SCMH1: variants seen among roughly 807,000 people sequenced by gnomAD.
SCMH1 encodes the protein Scm polycomb group protein homolog 1, also known as polycomb protein SCMH1.
A neutral mutation model predicts 70.8 loss-of-function variants in SCMH1; 37 were observed. The observed-to-expected ratio is 0.52, with a 90% CI of 0.40 to 0.69. The LOEUF is 0.69. SCMH1 is among the 30% of genes least tolerant of loss of function. The pLI is 0.00. For synonymous variants in SCMH1, 292 were observed against 307.4 expected, an observed-to-expected ratio of 0.95 and a Z score of 0.52; for missense variants, 607 against 827.3, an observed-to-expected ratio of 0.73 and a Z score of 3.27.
At chr1:41,123,431 C>T (rs937557179) in intron 6 of SCMH1, among the ~76,000 whole-genome samples, 13 of 152,166 alleles carry the variant, frequency 8.5e-5, no homozygotes, top group Admixed American at 2.0e-4. Flanking sequence ...ACTCACTTGA[C>T]TAGGGGCCTC....
intron 6 of SCMH1, among the ~76,000 whole-genome samples, chr1:41,130,082 T>C (rs1242412914): frequency 6.6e-6 from 1 of 152,234 alleles, no homozygotes; most frequent in East Asian, 1.9e-4. Flanking sequence ...TAATGATTAG[T>C]GATCATGAAC....
chr1:41,182,614 G>A (rs1348565439), intron 2 of SCMH1, among the ~76,000 whole-genome samples: 2 of 152,092 alleles, frequency 1.3e-5, no homozygotes, highest in Non-Finnish European at 1.5e-5. Flanking sequence ...AAGGGGCTGC[G>A]ATGGGAGGAT....
At chr1:41,073,596 A>G (rs1657247124) in intron 9 of SCMH1, among the ~76,000 whole-genome samples, 1 of 151,892 alleles carries the variant, frequency 6.6e-6, no homozygotes, top group African/African-American at 2.4e-5. Context: ...GACAACTGAG[A>G]TTGGTAACAT....
At chr1:41,200,455 G>C (rs1198746494) in intron 1 of SCMH1, among the ~76,000 whole-genome samples, 1 of 151,188 alleles carries the variant, frequency 6.6e-6, no homozygotes, top group African/African-American at 2.4e-5. Context: ...ACTCCAGCCT[G>C]AGCGAGAGCA....
At chr1:41,132,244 C>A (rs983310578) in intron 6 of SCMH1, among the ~76,000 whole-genome samples, 1 of 152,336 alleles carries the variant, frequency 6.6e-6, no homozygotes, top group Non-Finnish European at 1.5e-5. Flanking sequence ...GCCATTCTAA[C>A]TGGCGTGAGA....
At chr1:41,220,706 C>T (rs1018516937) in intron 1 of SCMH1, among the ~76,000 whole-genome samples, 4 of 152,102 alleles carry the variant, frequency 2.6e-5, no homozygotes, top group Non-Finnish European at 5.9e-5. Flanking sequence ...TTGACAAAAG[C>T]GCATAATCTA....
At chr1:41,205,444 C>T (rs139616797) in intron 1 of SCMH1, among the ~76,000 whole-genome samples, 13 of 152,348 alleles carry the variant, frequency 8.5e-5, no homozygotes, top group South Asian at 2.1e-4. Context: ...TCACTGCTAG[C>T]GCAGCAGTCT....
intron 10 of SCMH1, among the ~76,000 whole-genome samples, chr1:41,064,548 A>G (rs1226401723): frequency 6.6e-6 from 1 of 152,234 alleles, no homozygotes; most frequent in Non-Finnish European, 1.5e-5. Context: ...AGAATGCAGG[A>G]TACAAAGCTA....
At chr1:41,205,911 G>A (rs1334277663) in intron 1 of SCMH1, among the ~76,000 whole-genome samples, 2 of 152,208 alleles carry the variant, frequency 1.3e-5, no homozygotes, top group Admixed American at 1.3e-4. Context: ...ACAAGGTCTG[G>A]AGTGGACCTC....
rs573608587 is a variant in SCMH1 at position 41,074,895 on chromosome 1, C to T, written c.978+324G>A. On this transcript the variant is annotated intron_variant, in intron 9 of 14. Coordinates refer to ENST00000337495, the Ensembl canonical transcript of SCMH1. Reference sequence around the variant, plus strand: ...CCTTTTCTTTTGAGACGGAGTCTCGCTCTGTCACCCAGGCTGCAGTGCAGT... The same window carrying T: ...CCTTTTCTTTTGAGACGGAGTCTCGTTCTGTCACCCAGGCTGCAGTGCAGT... Among the ~76,000 whole-genome samples, 6 of 152,326 alleles carry T rather than the reference C, an allele frequency of 3.9e-5. No homozygotes were observed. The East Asian group carries it at 1.2e-3, about 29-fold the overall frequency.
intron 6 of SCMH1, among the ~76,000 whole-genome samples, chr1:41,125,462 T>C (rs213761): frequency 0.85 from 129,229 of 151,868 alleles, 55,448 homozygotes; most frequent in East Asian, 0.97. Flanking sequence ...TGTGATCCAC[T>C]CATCTCGGCC....
chr1:41,120,862 A>G (rs1383849324), intron 6 of SCMH1, among the ~76,000 whole-genome samples: 1 of 152,172 alleles, frequency 6.6e-6, no homozygotes, highest in Non-Finnish European at 1.5e-5. Context: ...CTCTTTTATT[A>G]CACTATGTTT....
chr1:41,216,338 A>C (rs1658074654), intron 1 of SCMH1, among the ~76,000 whole-genome samples: 1 of 152,176 alleles, frequency 6.6e-6, no homozygotes, highest in Non-Finnish European at 1.5e-5. Context: ...AAAATAACTC[A>C]ATTGAAAAAC....
At position 41,064,127 on chromosome 1, in the gene SCMH1, G is replaced by A. The variant is rs149467565; in HGVS notation, c.1105+6468C>T. Among the ~76,000 whole-genome samples, 74 of 152,218 alleles carry A rather than the reference G, an allele frequency of 4.9e-4. No homozygotes were observed. The East Asian group carries it at 0.014, about 29-fold the overall frequency. Reference sequence around the variant, plus strand: ...ATTAATATAATCTATCATATCAACAGGCTAAGTAAGAAAAATCAGATAATC... The same window carrying A: ...ATTAATATAATCTATCATATCAACAAGCTAAGTAAGAAAAATCAGATAATC... On this transcript the variant is annotated intron_variant, in intron 10 of 14. Coordinates refer to ENST00000337495, the Ensembl canonical transcript of SCMH1.
exon 15 of SCMH1, chr1:41,028,119 T>G (rs1558241332): frequency 1.3e-6 from 2 of 1,585,948 alleles, no homozygotes; most frequent in Non-Finnish European, 1.7e-6. Context: ...GTGCCTGGGG[T>G]GGGCTGATGC....
At chr1:41,051,116 A>G (rs572438227) in intron 10 of SCMH1, among the ~76,000 whole-genome samples, 3 of 152,328 alleles carry the variant, frequency 2.0e-5, no homozygotes, top group East Asian at 1.9e-4. Flanking sequence ...TATGCCACAT[A>G]ATGACATTTT....
chr1:41,215,560 T>A (rs1013943813), intron 1 of SCMH1, among the ~76,000 whole-genome samples: 1 of 152,146 alleles, frequency 6.6e-6, no homozygotes, highest in African/African-American at 2.4e-5. Context: ...TCCCTCCTCT[T>A]ATCTGCAATG....
intron 8 of SCMH1, among the ~76,000 whole-genome samples, chr1:41,106,279 T>C (rs753874113): frequency 6.6e-5 from 10 of 151,834 alleles, no homozygotes; most frequent in Non-Finnish European, 1.2e-4. Flanking sequence ...GTTTGGGTCA[T>C]GGGGGTGGAT....
At chr1:41,036,911 C>T (rs1489144067) in intron 13 of SCMH1, among the ~76,000 whole-genome samples, 2 of 152,120 alleles carry the variant, frequency 1.3e-5, no homozygotes, top group Non-Finnish European at 2.9e-5. Context: ...CCTTGAACAC[C>T]AAGCTTGGGT....
Sources: allele counts gnomAD v4.1 joint callset (sites outside exome capture counted in the v4.1 genomes callset), GRCh38; gene constraint gnomAD v4.1.1; transcripts MANE v1.5; gene names NCBI Gene and HGNC (gene_info 2026-07-23, HGNC 2026-07-21).